The following FAN1 variants were observed in gnomAD, a reference collection of about 807,000 sequenced individuals.
FAN1 encodes FANCD2 and FANCI associated nuclease 1.
A neutral mutation model predicts 104.9 loss-of-function variants in FAN1; 91 were observed. The ratio of observed to expected loss-of-function variants is 0.87; its 90% CI spans 0.73 to 1.03. The LOEUF (loss-of-function observed/expected upper bound fraction) is 1.03, where lower values mean the gene tolerates loss of function less well. Ranked by LOEUF, FAN1 falls within the 50% of genes least tolerant of loss-of-function variation. The pLI is 0.00. For missense variants in FAN1, 1,263 were observed against 1,239.9 expected (o/e 1.02, Z -0.28); for synonymous variants, 478 against 457.6 (o/e 1.04, Z -0.57).
At position 30,941,680 on chromosome 15, in the gene FAN1, A is replaced by G. The variant is rs201242225; in HGVS notation, c.*118A>G. 163 of 1,613,686 alleles carry G rather than the reference A, an allele frequency of 1.0e-4. 1 individual carries two copies. In the African/African-American group the frequency reaches 1.8e-3, roughly 18 times the overall value. On this transcript the variant is annotated 3_prime_UTR_variant, in exon 15 of 15. Coordinates refer to ENST00000362065, the MANE Select transcript of FAN1 (RefSeq NM_014967.5). ...ACATCCTGCTCTGGCCCAGCTCCCC[A>G]TAGCAGGCCTCCAGGGGGCCACTGC...
intron 14 of FAN1, among the ~76,000 whole-genome samples, chr15:30,937,794 A>G (rs1246602871): frequency 6.6e-6 from 1 of 151,862 alleles, no homozygotes; most frequent in Non-Finnish European, 1.5e-5. Flanking sequence ...AATTTTGTTG[A>G]CCATTATTGG....
At chr15:30,935,906 AT>A (rs773971728) in intron 13 of FAN1, among the ~76,000 whole-genome samples, 1 of 151,864 alleles carries the variant, frequency 6.6e-6, no homozygotes, top group Non-Finnish European at 1.5e-5. Context: ...CAGTTGTGAT[AT>A]TTCCTAGGGT....
chr15:30,929,928 AAT>A, intron 12 of FAN1, among the ~76,000 whole-genome samples: 1 of 115,158 alleles, frequency 8.7e-6, no homozygotes, highest in Middle Eastern at 4.0e-3. Flanking sequence ...TATCATATAT[AAT>A]ATATAAAATA....
At chr15:30,904,394 C>A in intron 1 of FAN1, 118 bp from the exon 2 acceptor site, 1 of 542,308 alleles carries the variant, frequency 1.8e-6, no homozygotes, top group Non-Finnish European at 3.3e-6. Context: ...TCTTCTGTCT[C>A]ACGCTCAGGG....
intron 6 of FAN1, 148 bp downstream of exon 6, chr15:30,918,443 G>C (rs1008439013): frequency 8.0e-6 from 6 of 752,050 alleles, no homozygotes; most frequent in East Asian, 2.6e-5. Context: ...GCTTTGCCTA[G>C]AATGAAAGTG....
rs1251835097 is a variant in FAN1, at chr15:30,904,460, C to A, written c.-152-52C>A. ...TAAACGTTTCAGAGTTCGCTTTTCCCCTTGCTGAATTCATAAAAATGTTTT... is the reference window on the plus strand; with the variant it reads ...TAAACGTTTCAGAGTTCGCTTTTCCACTTGCTGAATTCATAAAAATGTTTT... On this transcript the variant is annotated intron_variant, in intron 1 of 14. Transcript: ENST00000362065. The A allele has an allele frequency of 7.4e-6, 5 of 672,180 alleles. No homozygotes were observed. The East Asian group carries it at 8.1e-5, about 11-fold the overall frequency. 41.6% of individuals were successfully genotyped at this position (672,180 alleles called of 1,614,324 possible). A position where few individuals can be genotyped will look rare whatever the true frequency, so the allele number is the denominator to read the frequency against.
chr15:30,935,757 TTA>T (rs141863924), intron 13 of FAN1, among the ~76,000 whole-genome samples: 2,543 of 152,278 alleles, frequency 0.017, 72 homozygotes, highest in African/African-American at 0.058. Context: ...GCAATGAATT[TTA>T]TGTTGACAGT....
At chr15:30,927,979 A>T in intron 10 of FAN1, 2 of 985,818 alleles carry the variant, frequency 2.0e-6, no homozygotes, top group South Asian at 9.4e-5. Context: ...TTAAGGCCAG[A>T]TGTCTCTGTA....
intron 12 of FAN1, among the ~76,000 whole-genome samples, chr15:30,929,779 T>TCATATATAATATAATATATAAAATA (rs1285472396): frequency 8.8e-5 from 2 of 22,720 alleles, no homozygotes; most frequent in Admixed American, 1.9e-3. Flanking sequence ...ATATAATATA[T>TCATATATAATATAATATATAAAATA]TATATCATAT....
At chr15:30,929,956 A>G (rs1339584223) in intron 12 of FAN1, among the ~76,000 whole-genome samples, 1 of 121,010 alleles carries the variant, frequency 8.3e-6, no homozygotes, top group African/African-American at 3.5e-5. Context: ...TATAATATAT[A>G]TCATATAATA....
In FAN1 at chr15:30,913,863, AAGCCTTGGCT is replaced by A. The variant is rs1455129866; in HGVS notation, c.1584_1593del (p.Ala529AspfsTer23). 5.6e-6 allele frequency: 9 copies of A among 1,603,696 alleles called. No homozygotes were observed. Among genetic ancestry groups the A allele is most frequent in the African/African-American group, 1.3e-5 (1 of 74,498 alleles). On this transcript the variant is annotated frameshift_variant, in exon 5 of 15. Coordinates refer to ENST00000362065, the MANE Select transcript of FAN1 (RefSeq NM_014967.5). LOFTEE classifies it high-confidence loss of function. Reference sequence around the variant, plus strand: ...CTACATTGTACATTTTTCAGAGCCAAAGCCTTGGCTGGACAGTCAGTACGAATCTGTAAAG... The same window carrying A: ...CTACATTGTACATTTTTCAGAGCCAAGGACAGTCAGTACGAATCTGTAAAG...
intron 13 of FAN1, among the ~76,000 whole-genome samples, chr15:30,932,327 A>G (rs898604668): frequency 6.6e-6 from 1 of 152,012 alleles, no homozygotes; most frequent in African/African-American, 2.4e-5. Flanking sequence ...TATTTTGATC[A>G]GCAAAAATGG....
chr15:30,919,500 G>A (rs1328973753), intron 6 of FAN1, among the ~76,000 whole-genome samples: 1 of 151,818 alleles, frequency 6.6e-6, no homozygotes, highest in Non-Finnish European at 1.5e-5. Flanking sequence ...AGACTAGCCT[G>A]GCCAACATGG....
chr15:30,911,854 G>A (rs1022175398), intron 4 of FAN1: 9 of 228,090 alleles, frequency 3.9e-5, no homozygotes, highest in African/African-American at 2.1e-4. Context: ...ACAAGATCAG[G>A]AGTTCGAGAC....
chr15:30,907,522 AAAAACAAAAC>A (rs1009915564), intron 2 of FAN1, among the ~76,000 whole-genome samples: 12 of 113,608 alleles, frequency 1.1e-4, no homozygotes, highest in African/African-American at 5.1e-4. Flanking sequence ...CCATCTCAAA[AAAAACAAAAC>A]AAAAACAAAA....
chr15:30,938,595 G>A (rs1055173992), intron 14 of FAN1, among the ~76,000 whole-genome samples: 2 of 152,170 alleles, frequency 1.3e-5, no homozygotes, highest in African/African-American at 4.8e-5. Context: ...AAGGGGGTGT[G>A]GTAGAAAGGT....
chr15:30,931,271 G>T (rs566574529), intron 13 of FAN1, among the ~76,000 whole-genome samples: 1 of 152,126 alleles, frequency 6.6e-6, no homozygotes, highest in Non-Finnish European at 1.5e-5. Flanking sequence ...CAGCCCTGCT[G>T]CCCATCACTG....
Position 30,904,944 on chromosome 15 carries a change from T to C in FAN1, c.281T>C (p.Leu94Ser), listed in dbSNP as rs2061939434. Residue 94 changes from leucine (L) to serine (S), a missense_variant, in exon 2 of 15, where the codon TTA becomes TCA. Leu to Ser is a moderately radical substitution (Grantham distance 145, BLOSUM62 -2). Coordinates refer to ENST00000362065, the MANE Select transcript of FAN1 (RefSeq NM_014967.5). The stretch of plus-strand genomic sequence containing the variant: ...ATGGTAGATTTAACCAGTGTTACCT[T>C]AGAAGATGTAACACCTAAGAAGTCA... ...VSMVDLTSVT[L>S]EDVTPKKSPP... The C allele has an allele frequency of 1.2e-5, 20 of 1,613,952 alleles. No individual in the cohort carries two copies. The highest frequency in any genetic ancestry group is 1.7e-5 in the Non-Finnish European group (20 of 1,179,928).
intron 1 of FAN1, 60 bp downstream of exon 1, chr15:30,904,071 C>T (rs1049998050): frequency 1.3e-5 from 2 of 152,194 alleles, no homozygotes; most frequent in African/African-American, 4.8e-5. Flanking sequence ...GCCGGGGCCT[C>T]GGCTCCGCAG....
Sources: allele counts gnomAD v4.1 joint callset (sites outside exome capture counted in the v4.1 genomes callset), GRCh38; gene constraint gnomAD v4.1.1; transcripts MANE v1.5; gene names NCBI Gene and HGNC (gene_info 2026-07-23, HGNC 2026-07-21).